FRMPD4: variants seen among roughly 807,000 people sequenced by gnomAD.
The protein encoded by FRMPD4 is FERM and PDZ domain containing 4, also known as FERM and PDZ domain-containing protein 4.
A neutral mutation model predicts 94.1 loss-of-function variants in FRMPD4; 22 were observed. The ratio of observed to expected loss-of-function variants is 0.23; its 90% CI spans 0.17 to 0.33. The LOEUF is 0.33. Ranked by LOEUF, FRMPD4 falls within the 10% of genes least tolerant of loss-of-function variation. The probability of loss-of-function intolerance (pLI) is 1.00; values close to 1 mark genes in which losing one functional copy is unlikely to be tolerated. For missense variants in FRMPD4, 1,111 were observed against 1,339.9 expected, an observed-to-expected ratio of 0.83 and a Z score of 2.67; for synonymous variants, 631 against 548.6, an observed-to-expected ratio of 1.15 and a Z score of -2.10.
chrX:12,643,695 T>C (rs1444326238), intron 4 of FRMPD4, among the ~76,000 whole-genome samples: 2 of 111,932 alleles, frequency 1.8e-5, no homozygotes, highest in Non-Finnish European at 3.8e-5. Flanking sequence ...GCTTGAGCCC[T>C]GGGTGGATGA....
intron 1 of FRMPD4, among the ~76,000 whole-genome samples, chrX:12,266,136 A>AG (rs1358910889): frequency 2.5e-4 from 18 of 71,112 alleles, no homozygotes; most frequent in African/African-American, 1.0e-3. Context: ...CCGTCTCAAA[A>AG]AAAAAAAAAA....
At chrX:12,491,133 C>T (rs772844148) in intron 1 of FRMPD4, among the ~76,000 whole-genome samples, 12 of 110,899 alleles carry the variant, frequency 1.1e-4, no homozygotes, top group Admixed American at 9.6e-4. Flanking sequence ...ATTTCTCCAG[C>T]GATTCCACCA....
At chrX:12,061,958 A>G (rs1188012991) in intron 3 of FRMPD4, among the ~76,000 whole-genome samples, 1 of 112,070 alleles carries the variant, frequency 8.9e-6, no homozygotes, top group East Asian at 2.8e-4. Context: ...GTGAAACACA[A>G]TTTGTATCTG....
chrX:12,013,428 T>A (rs2054590575), intron 3 of FRMPD4, among the ~76,000 whole-genome samples: 1 of 112,255 alleles, frequency 8.9e-6, no homozygotes, highest in Non-Finnish European at 1.9e-5. Context: ...TTGTGCATTA[T>A]ATTCCTCTCT....
At chrX:12,444,801 TC>T (rs1236494031) in intron 1 of FRMPD4, among the ~76,000 whole-genome samples, 1 of 111,457 alleles carries the variant, frequency 9.0e-6, no homozygotes, top group African/African-American at 3.3e-5. Flanking sequence ...ACTAACCCAC[TC>T]CCATGATAAG....
At chrX:11,866,192 C>A (rs909638982) in intron 2 of FRMPD4, among the ~76,000 whole-genome samples, 3 of 111,707 alleles carry the variant, frequency 2.7e-5, no homozygotes, top group Non-Finnish European at 5.6e-5. Flanking sequence ...CCTCTCTCTT[C>A]TGATTTCTTA....
At chrX:12,373,491 A>G (rs1457445793) in intron 1 of FRMPD4, among the ~76,000 whole-genome samples, 2 of 112,092 alleles carry the variant, frequency 1.8e-5, no homozygotes, top group Non-Finnish European at 3.8e-5. Context: ...GGCAAGTGGC[A>G]TATACTTTTC....
intron 2 of FRMPD4, among the ~76,000 whole-genome samples, chrX:12,557,750 A>AC (rs36035131): frequency 1.8e-4 from 20 of 109,209 alleles, no homozygotes; most frequent in South Asian, 4.0e-4. Flanking sequence ...TGAATGCTGG[A>AC]CCCCCCCTCC....
intron 3 of FRMPD4, among the ~76,000 whole-genome samples, chrX:12,113,268 TGC>T (rs999402537): frequency 4.4e-5 from 5 of 112,368 alleles, no homozygotes; most frequent in African/African-American, 1.6e-4. Context: ...TATAGCCCCT[TGC>T]ACTTCTTGGT....
chrX:12,484,023 A>G (rs2057715422), intron 1 of FRMPD4, among the ~76,000 whole-genome samples: 2 of 111,725 alleles, frequency 1.8e-5, no homozygotes, highest in African/African-American at 6.5e-5. Context: ...CAGGGCTGGT[A>G]TAATGACAGT....
intron 4 of FRMPD4, among the ~76,000 whole-genome samples, chrX:12,660,851 A>C (rs1317367512): frequency 1.8e-5 from 2 of 111,657 alleles, no homozygotes; most frequent in Non-Finnish European, 3.8e-5. Flanking sequence ...TTGATTGAGG[A>C]GATATCCAAG....
chrX:12,363,840 G>C (rs1166029262), intron 1 of FRMPD4, among the ~76,000 whole-genome samples: 1 of 111,725 alleles, frequency 9.0e-6, no homozygotes, highest in Non-Finnish European at 1.9e-5. Context: ...TGACAGCCAG[G>C]AAGTGGCATC....
At chrX:12,378,354 A>C (rs2056270575) in intron 1 of FRMPD4, among the ~76,000 whole-genome samples, 1 of 112,590 alleles carries the variant, frequency 8.9e-6, no homozygotes, top group Non-Finnish European at 1.9e-5. Context: ...TTTTTCAATT[A>C]GTTTTAACGG....
chrX:12,449,955 C>A (rs1037024902), intron 1 of FRMPD4, among the ~76,000 whole-genome samples: 1 of 109,456 alleles, frequency 9.1e-6, no homozygotes, highest in Non-Finnish European at 1.9e-5. Flanking sequence ...CGCCACTGCA[C>A]TCCAGTCTGG....
intron 1 of FRMPD4, among the ~76,000 whole-genome samples, chrX:12,445,918 C>T (rs893337449): frequency 1.7e-4 from 19 of 112,690 alleles, no homozygotes; most frequent in Non-Finnish European, 2.8e-4. Context: ...GCACAAAGAC[C>T]AAGCCTGTGC....
At chrX:12,332,468 G>A (rs374453851) in intron 1 of FRMPD4, among the ~76,000 whole-genome samples, 5 of 109,619 alleles carry the variant, frequency 4.6e-5, no homozygotes, top group African/African-American at 9.9e-5. Flanking sequence ...AGAAATAAGC[G>A]AGTTGATCAA....
At chrX:12,403,577 C>G (rs2056632934) in intron 1 of FRMPD4, among the ~76,000 whole-genome samples, 1 of 111,202 alleles carries the variant, frequency 9.0e-6, no homozygotes, top group African/African-American at 3.3e-5. Context: ...CACAAACCCA[C>G]TGCTCCTAAG....
At chrX:12,444,874 A>C in intron 1 of FRMPD4, among the ~76,000 whole-genome samples, 2 of 112,279 alleles carry the variant, frequency 1.8e-5, no homozygotes, top group Middle Eastern at 9.2e-3. Flanking sequence ...ACACTGTTGC[A>C]TTGGGGATTA....
chrX:12,678,834 A>G (rs2059931243), intron 5 of FRMPD4, among the ~76,000 whole-genome samples: 1 of 112,138 alleles, frequency 8.9e-6, no homozygotes, highest in Non-Finnish European at 1.9e-5. Context: ...TCAAAAAACA[A>G]AAAAGAGTTT....
Sources: gnomAD v4.1 joint callset for allele counts (sites outside exome capture counted in the v4.1 genomes callset) on GRCh38, gnomAD v4.1.1 for gene constraint, MANE v1.5 for transcripts, NCBI Gene and HGNC (gene_info 2026-07-23, HGNC 2026-07-21) for gene names.